EDAR: variants seen among roughly 807,000 people sequenced by gnomAD.
EDAR encodes the protein tumor necrosis factor receptor superfamily member EDAR.
In EDAR, 38 loss-of-function variants were observed where a neutral mutation model predicts 51.3. The observed-to-expected ratio is 0.74, with a 90% CI of 0.57 to 0.97. The LOEUF (loss-of-function observed/expected upper bound fraction) is 0.97. Among genes scored for constraint, EDAR ranks in the 50% least tolerant of loss-of-function variants. The probability of loss-of-function intolerance (pLI) is 0.00; values close to 1 mark genes in which losing one functional copy is unlikely to be tolerated. For synonymous variants in EDAR, 227 were observed against 242.1 expected (o/e 0.94, Z 0.58); for missense variants, 528 against 595.0 (o/e 0.89, Z 1.17).
chr2:108,932,198 A>G (rs1368307388), intron 1 of EDAR, among the ~76,000 whole-genome samples: 1 of 152,154 alleles, frequency 6.6e-6, no homozygotes, highest in Non-Finnish European at 1.5e-5. Context: ...GCCTAAAGGC[A>G]TTAGGTAGAA....
intron 11 of EDAR, among the ~76,000 whole-genome samples, chr2:108,904,463 C>CT (rs1237037268): frequency 2.0e-5 from 3 of 152,224 alleles, no homozygotes; most frequent in African/African-American, 7.2e-5. Context: ...ACTCCTGGGT[C>CT]TTTATCCCAG....
intron 1 of EDAR, among the ~76,000 whole-genome samples, chr2:108,946,233 C>T (rs959353359): frequency 1.3e-5 from 2 of 152,196 alleles, no homozygotes; most frequent in African/African-American, 2.4e-5. Context: ...CAGCCTCCCC[C>T]GACTTTATCA....
At chr2:108,953,719 A>G (rs556399813) in intron 1 of EDAR, among the ~76,000 whole-genome samples, 17 of 152,206 alleles carry the variant, frequency 1.1e-4, no homozygotes, top group African/African-American at 4.1e-4. Context: ...ACAAGGACCT[A>G]AGGTAGGCTG....
chr2:108,985,984 T>G (rs1698490897), intron 1 of EDAR, among the ~76,000 whole-genome samples: 1 of 152,168 alleles, frequency 6.6e-6, no homozygotes, highest in Non-Finnish European at 1.5e-5. Context: ...GAATGGCTGA[T>G]CCCTGCCAAG....
chr2:108,897,871 C>G (rs993649714), intron 11 of EDAR, among the ~76,000 whole-genome samples: 1 of 152,152 alleles, frequency 6.6e-6, no homozygotes, highest in African/African-American at 2.4e-5. Flanking sequence ...AAAACAAATA[C>G]AAGAAGTCTG....
intron 1 of EDAR, among the ~76,000 whole-genome samples, chr2:108,973,315 C>T (rs1467099352): frequency 1.3e-5 from 2 of 152,186 alleles, no homozygotes; most frequent in Non-Finnish European, 2.9e-5. Flanking sequence ...TGCCGCCTCC[C>T]TGCAAGTTGT....
intron 9 of EDAR, 80 bp downstream of exon 9, chr2:108,910,380 T>C: frequency 8.5e-7 from 1 of 1,182,316 alleles, no homozygotes; most frequent in South Asian, 1.3e-5. Flanking sequence ...GTCAGTTCAC[T>C]CGGCTGCACC....
intron 11 of EDAR, among the ~76,000 whole-genome samples, chr2:108,900,888 A>G (rs1696685799): frequency 1.3e-5 from 2 of 152,186 alleles, no homozygotes; most frequent in Non-Finnish European, 2.9e-5. Flanking sequence ...CAGAGCTCCA[A>G]AATATGTGAA....
intron 1 of EDAR, among the ~76,000 whole-genome samples, chr2:108,966,499 A>T (rs995959807): frequency 2.6e-5 from 4 of 152,220 alleles, no homozygotes; most frequent in Non-Finnish European, 5.9e-5. Flanking sequence ...GTGGGGTCAG[A>T]GCCTGTGGTC....
At chr2:108,950,766 T>A (rs1697811399) in intron 1 of EDAR, among the ~76,000 whole-genome samples, 1 of 152,252 alleles carries the variant, frequency 6.6e-6, no homozygotes, top group Admixed American at 6.5e-5. Flanking sequence ...GTGCAAGATA[T>A]TTATCAGAAG....
Position 108,896,624 on chromosome 2 carries a change from T to G in EDAR, c.*283A>C. 1.6e-5 allele frequency: 7 copies of G among 437,314 alleles called. No homozygotes were observed. Among genetic ancestry groups the G allele is most frequent in the South Asian group, 3.7e-5 (1 of 27,230 alleles). 27.1% of individuals were successfully genotyped at this position (437,314 alleles called of 1,614,324 possible). ...TCCTCAACATTGTCTCATTGTTCAGTGAGTTAATGGTGGGCTGGTGGGCTG... is the reference window on the plus strand; with the variant it reads ...TCCTCAACATTGTCTCATTGTTCAGGGAGTTAATGGTGGGCTGGTGGGCTG... On this transcript the variant is annotated 3_prime_UTR_variant, in exon 12 of 12. Coordinates refer to ENST00000258443, the MANE Select transcript of EDAR (RefSeq NM_022336.4).
intron 5 of EDAR, among the ~76,000 whole-genome samples, chr2:108,919,353 C>T (rs1558807555): frequency 6.6e-6 from 1 of 152,018 alleles, no homozygotes; most frequent in Non-Finnish European, 1.5e-5. Context: ...CCTCTGACCG[C>T]TTTTTATTTA....
intron 1 of EDAR, among the ~76,000 whole-genome samples, chr2:108,974,811 C>A (rs1451066373): frequency 6.6e-6 from 1 of 152,148 alleles, no homozygotes; most frequent in Non-Finnish European, 1.5e-5. Context: ...CTTGAAATAG[C>A]CAGCAAATGG....
chr2:108,937,869 G>A (rs988888717), intron 1 of EDAR, among the ~76,000 whole-genome samples: 1 of 152,214 alleles, frequency 6.6e-6, no homozygotes, highest in Non-Finnish European at 1.5e-5. Context: ...CTGAGCCCTC[G>A]GGTGGGGCCT....
chr2:108,948,572 C>T (rs908824214), intron 1 of EDAR, among the ~76,000 whole-genome samples: 5 of 152,270 alleles, frequency 3.3e-5, no homozygotes, highest in Middle Eastern at 3.4e-3. Flanking sequence ...TCACAGTCAT[C>T]GCAGAAGGCA....
chr2:108,978,149 G>A (rs191612767), intron 1 of EDAR, among the ~76,000 whole-genome samples: 2 of 152,340 alleles, frequency 1.3e-5, no homozygotes, highest in East Asian at 3.9e-4. Context: ...TCCCGCCCCT[G>A]TAATGCCAAG....
rs1374687962 is a variant in EDAR, at chr2:108,897,117, C to A, written c.1137G>T (p.Glu379Asp). The A allele has an allele frequency of 6.2e-7, 1 of 1,614,076 alleles. No homozygotes were observed. Among genetic ancestry groups the A allele is most frequent in the Admixed American group, 1.7e-5 (1 of 60,020 alleles). ...AVVKTWRHLAESFGLKRDEIG... is the reference protein window; with the variant it reads ...AVVKTWRHLADSFGLKRDEIG... The stretch of plus-strand genomic sequence containing the variant: ...TCTCATCCCTCTTCAGGCCGAAGCT[C>A]TCGGCGAGGTGGCGCCACGTTTTCA... The change falls in exon 12 of 12, where the codon GAG (glutamate) becomes GAT (aspartate). Residue 379 changes from glutamate (E) to aspartate (D), a missense_variant. Glu to Asp is a conservative substitution (Grantham distance 45). Transcript: ENST00000258443.
intron 1 of EDAR, among the ~76,000 whole-genome samples, chr2:108,942,395 G>A (rs1449924989): frequency 6.6e-6 from 1 of 152,242 alleles, no homozygotes; most frequent in African/African-American, 2.4e-5. Flanking sequence ...GGGCTGAGGG[G>A]AGGAAGGGCT....
intron 5 of EDAR, among the ~76,000 whole-genome samples, chr2:108,916,235 T>A (rs1217998065): frequency 1.3e-5 from 2 of 152,198 alleles, no homozygotes; most frequent in African/African-American, 4.8e-5. Flanking sequence ...GAGCTTAAGA[T>A]ACACTGTCAG....
Sources: gnomAD v4.1 joint callset for allele counts (sites outside exome capture counted in the v4.1 genomes callset) on GRCh38, gnomAD v4.1.1 for gene constraint, MANE v1.5 for transcripts, NCBI Gene and HGNC (gene_info 2026-07-23, HGNC 2026-07-21) for gene names.